SERHL2: variants seen among roughly 807,000 people sequenced by gnomAD.
SERHL2 encodes the protein serine hydrolase-like protein 2.
A neutral mutation model predicts 25.5 loss-of-function variants in SERHL2; 29 were observed. The observed-to-expected ratio is 1.14, with a 90% CI of 0.85 to 1.55. SERHL2 has a LOEUF of 1.55. Among genes scored for constraint, SERHL2 ranks in the 40% most tolerant of loss-of-function variants. The probability of loss-of-function intolerance (pLI) is 0.00; values close to 1 mark genes in which losing one functional copy is unlikely to be tolerated. For missense variants in SERHL2, 240 were observed against 252.3 expected (o/e 0.95, Z 0.33); for synonymous variants, 95 against 103.5 (o/e 0.92, Z 0.50).
rs1924644006 is a variant in SERHL2, at chr22:42,573,955, T to G, written c.845T>G (p.Val282Gly). 25 of 1,603,446 alleles carry G rather than the reference T, an allele frequency of 1.6e-5. No individual in the cohort carries two copies. Among genetic ancestry groups the G allele is most frequent in the Non-Finnish European group, 2.1e-5 (25 of 1,174,450 alleles). ...CTCCAGCAGTTCCAGTTTGTGGAAG[T>G]CCCAGGCAATCACTGTGTCCACATG... ...TLKEQFQFVE[V>G]PGNHCVHMSE... is the part of the protein sequence containing the mutation. Residue 282 changes from valine (V) to glycine (G), a missense_variant, in exon 12 of 12, where the codon GTC (valine) becomes GGC (glycine). Coordinates refer to ENST00000327678, the MANE Select transcript of SERHL2 (RefSeq NM_014509.5).
At chr22:42,567,492 G>A (rs1205420398) in intron 9 of SERHL2, among the ~76,000 whole-genome samples, 22 of 150,438 alleles carry the variant, frequency 1.5e-4, no homozygotes, top group Admixed American at 1.1e-3. Context: ...GTGAAACCCC[G>A]TCTCTACTAA....
At chr22:42,566,185 G>A (rs1400706743) in intron 8 of SERHL2, 119 bp from the exon 9 acceptor site, 9 of 964,078 alleles carry the variant, frequency 9.3e-6, no homozygotes, top group South Asian at 2.8e-5. Flanking sequence ...GACGTCGGGG[G>A]CAGGTGGGAG....
rs114840250 is a variant in SERHL2 at position 42,559,484 on chromosome 22, G to A, written c.534-702G>A. 8.4e-4 allele frequency among the ~76,000 whole-genome samples: 127 copies of A among 151,702 alleles called. 2 individuals are homozygous for A. The highest frequency in any genetic ancestry group is 2.9e-3 in the African/African-American group (119 of 41,422). ...TGGAAGGCGGAGGTGGGCAGATTAC[G>A]AGGTCAGGAGATTGAGAACATCATG... On this transcript the variant is annotated intron_variant, in intron 7 of 11. Transcript: ENST00000327678.
At chr22:42,566,718 G>A (rs1771368529) in intron 9 of SERHL2, among the ~76,000 whole-genome samples, 2 of 152,072 alleles carry the variant, frequency 1.3e-5, no homozygotes, top group Admixed American at 6.6e-5. Flanking sequence ...GGAAAAGCTC[G>A]AAGTCAGCTC....
chr22:42,562,288 C>T lies in SERHL2; in HGVS notation c.613+2023C>T, dbSNP rs563433946. On this transcript the variant is annotated intron_variant, in intron 8 of 11. Transcript: ENST00000327678. ...CACATTCTATTCTGAACTGGGATAA[C>T]TTCCCTTCCCTGCCCCCATCATCCA... 7.0e-4 allele frequency among the ~76,000 whole-genome samples: 107 copies of T among 151,878 alleles called. 1 individual carries two copies. Among genetic ancestry groups the T allele is most frequent in the Admixed American group, 8.5e-4 (13 of 15,266 alleles).
chr22:42,571,937 C>CGGGGGGT (rs1168621363), intron 10 of SERHL2: 1 of 5,576 alleles, frequency 1.8e-4, no homozygotes, highest in Admixed American at 2.0e-3. Flanking sequence ...CTGTTGGGGG[C>CGGGGGGT]GGGGGGCGGG....
intron 8 of SERHL2, among the ~76,000 whole-genome samples, chr22:42,565,554 G>C (rs1055755937): frequency 6.6e-6 from 1 of 151,870 alleles, no homozygotes; most frequent in African/African-American, 2.4e-5. Context: ...TTGAACTCCT[G>C]ACCTCGTGAT....
chr22:42,559,997 A>T (rs1169994765), intron 7 of SERHL2, among the ~76,000 whole-genome samples, 189 bp from the exon 8 acceptor site: 1 of 151,848 alleles, frequency 6.6e-6, no homozygotes, highest in Middle Eastern at 3.2e-3. Context: ...TTTTTAGTAG[A>T]GATGAGGTTT....
Position 42,572,460 on chromosome 22 carries a change from A to C in SERHL2, c.756A>C (p.Ser252=), listed in dbSNP as rs771782256. Residue 252 remains serine, a synonymous_variant, in exon 11 of 12, where the codon TCA becomes TCC. Coordinates refer to ENST00000327678, the MANE Select transcript of SERHL2 (RefSeq NM_014509.5). ...LIKAVHGYFD[S]RQNYSEKESL... ...GAGCAGTCCACGGATATTTTGATTC[A>C]AGACAGAATTACTCTGAGAAGGAGT... 19 of 1,611,568 alleles carry C rather than the reference A, an allele frequency of 1.2e-5. No individual in the cohort carries two copies. In the South Asian group the frequency reaches 1.4e-4, roughly 12 times the overall value.
chr22:42,572,330 A>G lies in SERHL2; in HGVS notation c.732-106A>G, dbSNP rs999217387. ...CCAGCTGTGGGAGTTGGGGTAGCCC[A>G]GGCTTTGGTTTCTCCTCAGAGGCCT... On this transcript the variant is annotated intron_variant, in intron 10 of 11. Coordinates refer to ENST00000327678, the MANE Select transcript of SERHL2 (RefSeq NM_014509.5). 5.3e-6 allele frequency: 4 copies of G among 756,486 alleles called. No individual in the cohort carries two copies. The African/African-American group carries it at 7.1e-5, about 13-fold the overall frequency. 46.9% of individuals were successfully genotyped at this position (756,486 alleles called of 1,614,324 possible). A position where few individuals can be genotyped will look rare whatever the true frequency, so the allele number is the denominator to read the frequency against.
At chr22:42,565,235 G>A (rs1923209542) in intron 8 of SERHL2, 1 of 153,000 alleles carries the variant, frequency 6.5e-6, no homozygotes. Context: ...GAGCGGTAAG[G>A]AAGGGAGGGG....
chr22:42,554,147 C>T (rs1208114173), intron 1 of SERHL2, 105 bp downstream of exon 1: 20 of 1,364,464 alleles, frequency 1.5e-5, no homozygotes, highest in Admixed American at 7.9e-5. Flanking sequence ...GCGTCGCCCT[C>T]CTGGGTGTCG....
intron 9 of SERHL2, chr22:42,569,816 GGTGTGTGTGTGTTCATAGCAATTT>G (rs1052301150): frequency 1.3e-5 from 2 of 149,618 alleles, no homozygotes; most frequent in East Asian, 3.9e-4. Flanking sequence ...AGTTTTCACT[GGTGTGTGTGTGTTCATAGCAATTT>G]GTGTGTGTGT....
intron 7 of SERHL2, among the ~76,000 whole-genome samples, chr22:42,559,633 G>T (rs1455423071): frequency 1.3e-5 from 2 of 151,570 alleles, no homozygotes; most frequent in African/African-American, 2.4e-5. Context: ...AACGAAGAAT[G>T]GCATGAACCC....
intron 7 of SERHL2, among the ~76,000 whole-genome samples, chr22:42,559,712 C>T (rs1922429238): frequency 1.3e-5 from 2 of 151,470 alleles, no homozygotes; most frequent in Admixed American, 6.6e-5. Flanking sequence ...GAGCAAGACT[C>T]TGTCTCACAA....
chr22:42,560,138 C>G, intron 7 of SERHL2, 48 bp from the exon 8 acceptor site: 2 of 1,445,048 alleles, frequency 1.4e-6, no homozygotes, highest in Non-Finnish European at 1.9e-6. Flanking sequence ...TATCTGACCT[C>G]CTTTTTATTG....
chr22:42,569,085 G>C (rs1237227315), intron 9 of SERHL2: 1 of 151,412 alleles, frequency 6.6e-6, no homozygotes, highest in Non-Finnish European at 1.5e-5. Context: ...GTTTTGCCAT[G>C]TTGGGCAGGC....
intron 8 of SERHL2, among the ~76,000 whole-genome samples, chr22:42,563,195 T>C (rs1601839588): frequency 9.7e-6 from 1 of 103,408 alleles, no homozygotes; most frequent in Non-Finnish European, 1.7e-5. Context: ...TTTTTCTTTT[T>C]TTTTTTTTTT....
chr22:42,563,979 A>C (rs1272224308), intron 8 of SERHL2, among the ~76,000 whole-genome samples: 1 of 38,870 alleles, frequency 2.6e-5, no homozygotes, highest in Non-Finnish European at 4.8e-5. Context: ...AGGCTGAGGC[A>C]AGAGAATCGC....
Sources: gnomAD v4.1 joint callset for allele counts (sites outside exome capture counted in the v4.1 genomes callset) on GRCh38, gnomAD v4.1.1 for gene constraint, MANE v1.5 for transcripts, NCBI Gene and HGNC (gene_info 2026-07-23, HGNC 2026-07-21) for gene names.